The following WDR33 variants were observed in gnomAD, a reference collection of about 807,000 sequenced individuals.
WDR33 encodes the protein pre-mRNA 3' end processing protein WDR33.
WDR33 carries 47 observed loss-of-function variants against 164.9 expected under a neutral mutation model. The ratio of observed to expected loss-of-function variants is 0.29; its 90% CI spans 0.23 to 0.36. The LOEUF is 0.36. WDR33 is among the 10% of genes least tolerant of loss of function. The probability of loss-of-function intolerance (pLI) is 1.00; values close to 1 mark genes in which losing one functional copy is unlikely to be tolerated. For missense variants in WDR33, 1,137 were observed against 1,754.1 expected, an observed-to-expected ratio of 0.65 and a Z score of 6.28; for synonymous variants, 505 against 589.0, an observed-to-expected ratio of 0.86 and a Z score of 2.06.
intron 7 of WDR33, among the ~76,000 whole-genome samples, chr2:127,759,114 G>A (rs940582900): frequency 1.3e-5 from 2 of 152,168 alleles, no homozygotes; most frequent in East Asian, 1.9e-4. Context: ...CAGTCCATAA[G>A]TTGCCATAAT....
chr2:127,706,025 T>C lies in WDR33; in HGVS notation c.*298A>G, dbSNP rs529360582. The C allele has an allele frequency of 2.6e-5, 9 of 341,968 alleles. No homozygotes were observed. Among genetic ancestry groups the C allele is most frequent in the African/African-American group, 1.9e-4 (9 of 47,642 alleles). 21.2% of individuals were successfully genotyped at this position (341,968 alleles called of 1,614,324 possible). The stretch of plus-strand genomic sequence containing the variant: ...TTTCCAAATGGACAGGAACTTAAAT[T>C]TGTGGAGATGCCCCATGTCTTGTGA... On this transcript the variant is annotated 3_prime_UTR_variant, in exon 22 of 22. Transcript: ENST00000322313. The surrounding 1 kb of genome is among the most constrained non-coding windows in gnomAD (Gnocchi z 5.1).
chr2:127,777,606 T>G (rs1347992023), intron 1 of WDR33, among the ~76,000 whole-genome samples: 1 of 152,256 alleles, frequency 6.6e-6, no homozygotes, highest in Non-Finnish European at 1.5e-5. Flanking sequence ...AATGTTTGTA[T>G]GCACAAGTCT....
At position 127,726,887 on chromosome 2, in the gene WDR33, TTAA is replaced by T; in HGVS notation, c.725-113_725-111del. ...GTTTTGCTCTCAGTGCTCAGTCAAC[TTAA>T]AACTTGTTTTGTGAAGACTCTTTGG... is the stretch of plus-strand genomic sequence containing the variant. On this transcript the variant is annotated intron_variant, in intron 7 of 21. Transcript: ENST00000322313. This position sits in a 1 kb window ranked among gnomAD's most constrained non-coding sequence, Gnocchi z 4.8. The T allele has an allele frequency of 7.0e-7, 1 of 1,420,654 alleles. No individual in the cohort carries two copies. Among genetic ancestry groups the T allele is most frequent in the Non-Finnish European group, 9.5e-7 (1 of 1,048,168 alleles). 88.0% of individuals were successfully genotyped at this position (1,420,654 alleles called of 1,614,324 possible).
At chr2:127,742,964 T>C (rs1687062874) in intron 7 of WDR33, among the ~76,000 whole-genome samples, 1 of 151,122 alleles carries the variant, frequency 6.6e-6, no homozygotes, top group Non-Finnish European at 1.5e-5. Flanking sequence ...AGACTCAGGA[T>C]TATATTTGAG....
intron 7 of WDR33, among the ~76,000 whole-genome samples, chr2:127,758,145 A>G (rs1289164389): frequency 6.6e-6 from 1 of 152,176 alleles, no homozygotes; most frequent in African/African-American, 2.4e-5. Flanking sequence ...TGCTAAATAT[A>G]TTATACATTC....
At chr2:127,767,401 A>G (rs1573932278) in intron 4 of WDR33, among the ~76,000 whole-genome samples, 1 of 152,290 alleles carries the variant, frequency 6.6e-6, no homozygotes, top group African/African-American at 2.4e-5. Context: ...TTTTAAATTT[A>G]GTTTCAGTTT....
At chr2:127,786,831 C>A (rs923764747) in intron 1 of WDR33, among the ~76,000 whole-genome samples, 4 of 132,398 alleles carry the variant, frequency 3.0e-5, no homozygotes, top group Non-Finnish European at 5.0e-5. Context: ...AATTTTATTT[C>A]TTCCTTTCTG....
Position 127,708,867 on chromosome 2 carries a change from A to G in WDR33, c.3591T>C (p.Asp1197=). 1 of 1,581,680 alleles carries G rather than the reference A, an allele frequency of 6.3e-7. No individual in the cohort carries two copies. Among genetic ancestry groups the G allele is most frequent in the South Asian group, 1.1e-5 (1 of 87,418 alleles). Residue 1197 remains aspartate, a synonymous_variant, in exon 21 of 22, where the codon GAT becomes GAC. Coordinates refer to ENST00000322313, the MANE Select transcript of WDR33 (RefSeq NM_018383.5). This position sits in a 1 kb window ranked among gnomAD's most constrained non-coding sequence, Gnocchi z 6.7. ...GAGGGGGATGATCAGGGCGGGGAGTATCACGAAAATGTTCATGACCTGGCC... is the reference window on the plus strand; with the variant it reads ...GAGGGGGATGATCAGGGCGGGGAGTGTCACGAAAATGTTCATGACCTGGCC... ...EPGPGHEHFR[D]TPRPDHPPHD...
intron 1 of WDR33, among the ~76,000 whole-genome samples, chr2:127,787,576 G>A (rs1365668261): frequency 7.0e-5 from 7 of 100,100 alleles, no homozygotes; most frequent in Non-Finnish European, 1.4e-4. Context: ...GCGGCTGGCC[G>A]GGCAGAGGGG....
At chr2:127,773,870 C>T (rs1192619657) in intron 1 of WDR33, among the ~76,000 whole-genome samples, 1 of 151,146 alleles carries the variant, frequency 6.6e-6, no homozygotes, top group African/African-American at 2.4e-5. Flanking sequence ...CTTAAGCAAC[C>T]CTCCCACCTC....
chr2:127,713,898 C>G lies in WDR33; in HGVS notation c.2993G>C (p.Gly998Ala). Residue 998 changes from glycine to alanine, a missense_variant, in exon 18 of 22, where the codon GGT becomes GCT. Around this residue, in one of 9 missense-constraint regions of WDR33, gnomAD observed 867 missense variants for 1,073.0 expected, o/e 0.81. Transcript: ENST00000322313. The surrounding 1 kb of genome is among the most constrained non-coding windows in gnomAD (Gnocchi z 6.2). Reference sequence around the variant, plus strand: ...GTGAGGGCCACGCCTATCAGGGGGACCCCTGCAGTCCTGGCCACCCCGGAA... The same window carrying G: ...GTGAGGGCCACGCCTATCAGGGGGAGCCCTGCAGTCCTGGCCACCCCGGAA... ...GPFRGGQDCR[G>A]PPDRRGPHPD... 6.2e-7 allele frequency: 1 copy of G among 1,613,864 alleles called. No homozygotes were observed. Among genetic ancestry groups the G allele is most frequent in the East Asian group, 2.2e-5 (1 of 44,880 alleles).
intron 1 of WDR33, among the ~76,000 whole-genome samples, chr2:127,778,073 C>T (rs926880714): frequency 6.6e-6 from 1 of 152,138 alleles, no homozygotes; most frequent in Non-Finnish European, 1.5e-5. Flanking sequence ...GCAGGAGGAT[C>T]TCTTGAGGCC....
intron 7 of WDR33, among the ~76,000 whole-genome samples, chr2:127,761,804 C>G (rs967387939): frequency 2.0e-5 from 3 of 152,146 alleles, no homozygotes; most frequent in African/African-American, 7.2e-5. Context: ...ATATTATGAC[C>G]TTTATAGTGA....
In WDR33 at chr2:127,753,643, T is replaced by C. The variant is rs1352892667; in HGVS notation, c.724+9419A>G. The stretch of plus-strand genomic sequence containing the variant: ...TCATATGCAATAGTGTCTCTTTATA[T>C]ACTTCCAAAGAATTGGTTTTAGTAG... On this transcript the variant is annotated intron_variant, in intron 7 of 21. Transcript: ENST00000322313. Among the ~76,000 whole-genome samples the C allele has an allele frequency of 3.3e-5, 5 of 152,320 alleles. No homozygotes were observed. The East Asian group carries it at 9.6e-4, about 29-fold the overall frequency.
rs1339766147 is a variant in WDR33 at position 127,717,013 on chromosome 2, C to T, written c.2869+142G>A. 3.6e-6 allele frequency: 3 copies of T among 826,492 alleles called. No individual in the cohort carries two copies. Among genetic ancestry groups the T allele is most frequent in the Non-Finnish European group, 5.8e-6 (3 of 514,028 alleles). 51.2% of individuals were successfully genotyped at this position (826,492 alleles called of 1,614,324 possible). A position where few individuals can be genotyped will look rare whatever the true frequency, so the allele number is the denominator to read the frequency against. ...CAAGAACACAACCAAAGACAAAGCT[C>T]CTACCTGAATGACCACACCCTTATT... On this transcript the variant is annotated intron_variant, in intron 17 of 21. Transcript: ENST00000322313. This position sits in a 1 kb window ranked among gnomAD's most constrained non-coding sequence, Gnocchi z 5.6.
Position 127,702,137 on chromosome 2 carries a change from G to T in WDR33, c.*4186C>A. The T allele has an allele frequency of 8.2e-7, 1 of 1,215,892 alleles. No homozygotes were observed. 75.3% of individuals were successfully genotyped at this position (1,215,892 alleles called of 1,614,324 possible). A position where few individuals can be genotyped will look rare whatever the true frequency, so the allele number is the denominator to read the frequency against. Reference sequence around the variant, plus strand: ...CGCTGCGCCTCGCACTGGGTCGCCTGGGCCGCGGCGCCGGCCTCGCCAAGG... The same window carrying T: ...CGCTGCGCCTCGCACTGGGTCGCCTTGGCCGCGGCGCCGGCCTCGCCAAGG... On this transcript the variant is annotated 3_prime_UTR_variant, in exon 22 of 22. Coordinates refer to ENST00000322313, the MANE Select transcript of WDR33 (RefSeq NM_018383.5).
At chr2:127,795,892 G>A (rs1464873232) in intron 1 of WDR33, among the ~76,000 whole-genome samples, 2 of 151,692 alleles carry the variant, frequency 1.3e-5, no homozygotes, top group Non-Finnish European at 1.5e-5. Flanking sequence ...GAGAAAATGG[G>A]GAGGGGAGAG....
intron 1 of WDR33, among the ~76,000 whole-genome samples, chr2:127,798,558 G>T (rs758518658): frequency 6.6e-6 from 1 of 151,650 alleles, no homozygotes; most frequent in Non-Finnish European, 1.5e-5. Context: ...TGGTTCTCAG[G>T]TTCTAGTTCT....
chr2:127,726,446 T>C lies in WDR33; in HGVS notation c.851+205A>G, dbSNP rs935580248. ...AACAACCAAATTAAACTTAGGTCTA[T>C]GTGGCAGGACAAAAACAAGCCTTAC... On this transcript the variant is annotated intron_variant, in intron 8 of 21. Transcript: ENST00000322313. The surrounding 1 kb of genome is among the most constrained non-coding windows in gnomAD (Gnocchi z 4.8). Among the ~76,000 whole-genome samples the C allele has an allele frequency of 1.3e-5, 2 of 152,198 alleles. No homozygotes were observed. The highest frequency in any genetic ancestry group is 4.8e-5 in the African/African-American group (2 of 41,446).
Sources: allele counts gnomAD v4.1 joint callset (sites outside exome capture counted in the v4.1 genomes callset), GRCh38; gene constraint gnomAD v4.1.1; regional missense constraint gnomAD v4.1.1; non-coding constraint Gnocchi (gnomAD v3.1); transcripts MANE v1.5; gene names NCBI Gene and HGNC (gene_info 2026-07-23, HGNC 2026-07-21).